Variants in ZNF90 observed in about 807,000 individuals in gnomAD.
ZNF90 encodes zinc finger protein 90.
ZNF90 carries 11 observed loss-of-function variants against 12.0 expected under a neutral mutation model. The observed-to-expected ratio is 0.92, with a 90% CI of 0.58 to 1.52. ZNF90 has a LOEUF of 1.52. ZNF90 is among the 40% of genes most tolerant of loss of function. The pLI is 0.00. For missense variants in ZNF90, 765 were observed against 711.5 expected (o/e 1.08, Z -0.86); for synonymous variants, 232 against 240.1 (o/e 0.97, Z 0.31).
In ZNF90 at chr19:20,118,347, G is replaced by A; in HGVS notation, c.793G>A (p.Glu265Lys). Residue 265 changes from glutamate (E) to lysine (K), a missense_variant, in exon 4 of 4, where the codon GAA (glutamate) becomes AAA (lysine). Coordinates refer to ENST00000418063, the MANE Select transcript of ZNF90 (RefSeq NM_007138.2). ...KRYKCEDCGK[E>K]LKYSSTLTAH... ...GTACAAATGTGAAGATTGTGGCAAA[G>A]AATTAAAGTATTCCTCTACCCTTAC... 6.4e-7 allele frequency: 1 copy of A among 1,560,454 alleles called. No homozygotes were observed. The highest frequency in any genetic ancestry group is 8.7e-7 in the Non-Finnish European group (1 of 1,151,538).
chr19:20,083,632 A>G (rs782137532), intron 1 of ZNF90, among the ~76,000 whole-genome samples: 127 of 152,128 alleles, frequency 8.3e-4, no homozygotes, highest in Middle Eastern at 3.4e-3. Context: ...CAGGCTCTGC[A>G]TTAGTTTTCT....
chr19:20,103,744 C>T (rs1250306266), intron 1 of ZNF90, among the ~76,000 whole-genome samples: 8 of 151,884 alleles, frequency 5.3e-5, no homozygotes, highest in African/African-American at 1.9e-4. Flanking sequence ...AAATATCCTT[C>T]TTGGGCCAAA....
rs111810330 is a variant in ZNF90 at position 20,094,131 on chromosome 19, G to A, written c.4-10108G>A. ...CTTGTAGGAATGCTTGACTGCTGTG[G>A]CTTAGGCATTCTGAAGTTCTCCTAT... On this transcript the variant is annotated intron_variant, in intron 1 of 3. Transcript: ENST00000418063. 4.2e-3 allele frequency among the ~76,000 whole-genome samples: 635 copies of A among 152,336 alleles called. 6 individuals carry two copies. Among genetic ancestry groups the A allele is most frequent in the African/African-American group, 0.015 (607 of 41,580 alleles).
chr19:20,115,091 T>C (rs1301207834), intron 3 of ZNF90, among the ~76,000 whole-genome samples: 1 of 152,180 alleles, frequency 6.6e-6, no homozygotes, highest in East Asian at 1.9e-4. Context: ...ATGACAGTTT[T>C]TGACTTAAGA....
intron 2 of ZNF90, among the ~76,000 whole-genome samples, chr19:20,105,012 AAAAAC>A (rs550644569): frequency 1.5e-3 from 231 of 152,220 alleles, no homozygotes; most frequent in African/African-American, 2.8e-3. Context: ...AAAACAAACA[AAAAAC>A]AAAACAAAAC....
intron 1 of ZNF90, among the ~76,000 whole-genome samples, chr19:20,090,014 G>T (rs1051417354): frequency 2.6e-5 from 4 of 152,160 alleles, no homozygotes; most frequent in Admixed American, 2.0e-4. Context: ...CTTCATCAGG[G>T]TTGGAAGTAT....
chr19:20,089,662 G>A (rs2088886636), intron 1 of ZNF90, among the ~76,000 whole-genome samples: 2 of 152,136 alleles, frequency 1.3e-5, no homozygotes, highest in South Asian at 4.1e-4. Context: ...TGCGAAGGAG[G>A]GCGGCAGCTT....
At chr19:20,113,859 T>G (rs2089113512) in intron 3 of ZNF90, among the ~76,000 whole-genome samples, 1 of 152,134 alleles carries the variant, frequency 6.6e-6, no homozygotes, top group African/African-American at 2.4e-5. Context: ...ATCAATTTCC[T>G]TGTGAATCTA....
At position 20,105,431 on chromosome 19, in the gene ZNF90, TC is replaced by T. The variant is rs1420408764; in HGVS notation, c.226+117del. 1.7e-4 allele frequency: 134 copies of T among 793,224 alleles called. No individual in the cohort carries two copies. In the African/African-American group the frequency reaches 2.3e-3, roughly 14 times the overall value. 49.1% of individuals were successfully genotyped at this position (793,224 alleles called of 1,614,324 possible). A position where few individuals can be genotyped will look rare whatever the true frequency, so the allele number is the denominator to read the frequency against. Reference sequence around the variant, plus strand: ...GAAGCTGTGTTCCAAAGAGAATAGTTCCTGGGATTCTGTTTTTTGTTTTGTT... The same window carrying T: ...GAAGCTGTGTTCCAAAGAGAATAGTTCTGGGATTCTGTTTTTTGTTTTGTT... On this transcript the variant is annotated intron_variant, in intron 3 of 3. Transcript: ENST00000418063.
At chr19:20,106,856 C>G (rs1371470306) in intron 3 of ZNF90, 1 of 454,230 alleles carries the variant, frequency 2.2e-6, no homozygotes, top group South Asian at 1.6e-5. Context: ...GTAGCTTGGT[C>G]ACAAGGCTGC....
At chr19:20,109,801 T>A (rs1042791942) in intron 3 of ZNF90, among the ~76,000 whole-genome samples, 10 of 151,908 alleles carry the variant, frequency 6.6e-5, no homozygotes, top group South Asian at 2.1e-4. Context: ...AAATTGTGCC[T>A]CTACACTCCA....
rs1235335865 is a variant in ZNF90 at position 20,078,119 on chromosome 19, C to A, written c.-14C>A. ...TGGGAGATCCACAGCTGAGGGACCC[C>A]CGGAAGCCTAGAAATGGTGAGAGTG... On this transcript the variant is annotated 5_prime_UTR_variant, in exon 1 of 4. Transcript: ENST00000418063. The A allele has an allele frequency of 6.2e-7, 1 of 1,614,102 alleles. No homozygotes were observed. The highest frequency in any genetic ancestry group is 8.5e-7 in the Non-Finnish European group (1 of 1,180,006).
intron 1 of ZNF90, among the ~76,000 whole-genome samples, chr19:20,078,816 G>A (rs1296392679): frequency 6.6e-6 from 1 of 152,004 alleles, no homozygotes; most frequent in African/African-American, 2.4e-5. Flanking sequence ...AAACAGAACT[G>A]CATTAGGGCT....
intron 1 of ZNF90, among the ~76,000 whole-genome samples, chr19:20,101,509 A>G (rs1311683356): frequency 2.6e-5 from 4 of 152,234 alleles, no homozygotes; most frequent in Non-Finnish European, 4.4e-5. Flanking sequence ...GCACTTGAGG[A>G]TGGGAAAGGA....
intron 1 of ZNF90, among the ~76,000 whole-genome samples, chr19:20,085,827 C>T (rs1555701970): frequency 6.6e-6 from 1 of 152,016 alleles, no homozygotes; most frequent in South Asian, 2.1e-4. Context: ...TTTTTTCTGA[C>T]TCCAGATTAT....
intron 3 of ZNF90, among the ~76,000 whole-genome samples, chr19:20,113,285 G>T (rs773618014): frequency 6.6e-6 from 1 of 151,830 alleles, no homozygotes; most frequent in African/African-American, 2.4e-5. Flanking sequence ...CTGCCTCCTG[G>T]GTTCAAGCCC....
chr19:20,118,923 G>T lies in ZNF90; in HGVS notation c.1369G>T (p.Glu457Ter), dbSNP rs1383753653. The change falls in exon 4 of 4, where the codon GAA becomes TAA. Residue 457 changes from glutamate (E) to a stop codon, truncating the protein, a stop_gained. Coordinates refer to ENST00000418063, the MANE Select transcript of ZNF90 (RefSeq NM_007138.2). LOFTEE classifies it low-confidence loss of function (END_TRUNC). ...TGGAGAGAAACCCTACAAATGTGAA[G>T]AATGTGGCAAAGCCTTCAAGCGCTC... ...HSGEKPYKCE[E>*]CGKAFKRSSN... 6.2e-7 allele frequency: 1 copy of T among 1,613,438 alleles called. No individual in the cohort carries two copies. Among genetic ancestry groups the T allele is most frequent in the Non-Finnish European group, 8.5e-7 (1 of 1,179,716 alleles).
chr19:20,078,826 T>C (rs1338827134), intron 1 of ZNF90, among the ~76,000 whole-genome samples: 2 of 151,534 alleles, frequency 1.3e-5, no homozygotes, highest in African/African-American at 4.8e-5. Context: ...GCATTAGGGC[T>C]AATAACCCCT....
intron 1 of ZNF90, among the ~76,000 whole-genome samples, chr19:20,095,805 A>G (rs2122494369): frequency 6.6e-6 from 1 of 152,194 alleles, no homozygotes; most frequent in African/African-American, 2.4e-5. Context: ...CCTGCCCCAG[A>G]AAAGCAGAGA....
Sources: gnomAD v4.1 joint callset for allele counts (sites outside exome capture counted in the v4.1 genomes callset) on GRCh38, gnomAD v4.1.1 for gene constraint, MANE v1.5 for transcripts, NCBI Gene and HGNC (gene_info 2026-07-23, HGNC 2026-07-21) for gene names.